Variants in DDX4 observed in about 807,000 individuals in gnomAD.
DDX4 encodes the protein DEAD-box helicase 4.
In DDX4, 25 loss-of-function variants were observed where a neutral mutation model predicts 100.0. That is an observed-to-expected ratio of 0.25 (90% confidence interval 0.18 to 0.35). The LOEUF (loss-of-function observed/expected upper bound fraction) is 0.35, where lower values mean the gene tolerates loss of function less well. Among genes scored for constraint, DDX4 ranks in the 10% least tolerant of loss-of-function variants. DDX4 has a pLI of 1.00. For missense variants in DDX4, 635 were observed against 882.4 expected (o/e 0.72, Z 3.55); for synonymous variants, 259 against 275.7 (o/e 0.94, Z 0.60).
At chr5:55,760,615 A>T (rs1051358943) in intron 4 of DDX4, among the ~76,000 whole-genome samples, 2 of 152,134 alleles carry the variant, frequency 1.3e-5, no homozygotes, top group Admixed American at 1.3e-4. Context: ...AGCTTCAGGG[A>T]TTAGAGGTGA....
chr5:55,791,972 A>AG (rs1561506784), intron 16 of DDX4, among the ~76,000 whole-genome samples: 15 of 152,030 alleles, frequency 9.9e-5, no homozygotes, highest in African/African-American at 3.6e-4. Context: ...ACACACACAA[A>AG]AATTAGCCAG....
chr5:55,815,308 T>A lies in DDX4; in HGVS notation c.1987-5T>A, dbSNP rs376654637. 42 of 1,604,858 alleles carry A rather than the reference T, an allele frequency of 2.6e-5. No individual in the cohort carries two copies. The African/African-American group carries it at 4.4e-4, about 17-fold the overall frequency. On this transcript the variant is annotated splice_region_variant and splice_polypyrimidine_tract_variant and intron_variant, in intron 20 of 21. Transcript: ENST00000505374. ...TGTTGCATATGAAGTCAATTTTTTT[T>A]AAAGGCTCAACAGGATGTTCCTGCA... is the stretch of plus-strand genomic sequence containing the variant.
Position 55,787,855 on chromosome 5 carries a change from C to A in DDX4, c.1027C>A (p.Leu343Ile), listed in dbSNP as rs760969575. ...GCAACTTAACTTCTAGGCGGCTTTTCTCCTACCAATTTTGGCTCATATGAT... is the reference window on the plus strand; with the variant it reads ...GCAACTTAACTTCTAGGCGGCTTTTATCCTACCAATTTTGGCTCATATGAT... ...QTGSGKTAAFLLPILAHMMHD... is the reference protein window; with the variant it reads ...QTGSGKTAAFILPILAHMMHD... The change falls in exon 15 of 22, where the codon CTC becomes ATC. Residue 343 changes from leucine (L) to isoleucine (I), a missense_variant. Transcript: ENST00000505374. The A allele has an allele frequency of 5.6e-6, 9 of 1,611,524 alleles. No homozygotes were observed. In the Admixed American group the frequency reaches 1.5e-4, roughly 27 times the overall value.
At chr5:55,740,668 G>A (rs779211708) in intron 2 of DDX4, among the ~76,000 whole-genome samples, 5 of 107,296 alleles carry the variant, frequency 4.7e-5, no homozygotes, top group Admixed American at 2.3e-4. Context: ...ACCACGCCCC[G>A]CTAATTTTTT....
chr5:55,758,868 TA>T (rs35392036), intron 3 of DDX4, among the ~76,000 whole-genome samples: 19,730 of 64,588 alleles, frequency 0.31, 3,476 homozygotes, highest in Non-Finnish European at 0.39. Context: ...TTTGTTTCCT[TA>T]AAAAAAAAAA....
intron 6 of DDX4, 39 bp downstream of exon 6, chr5:55,764,103 A>G (rs1425474636): frequency 7.1e-7 from 1 of 1,404,880 alleles, no homozygotes; most frequent in African/African-American, 1.4e-5. Context: ...TTTAATGTCA[A>G]GAGTACATGC....
At chr5:55,777,119 T>A (rs1002698197) in intron 7 of DDX4, among the ~76,000 whole-genome samples, 3 of 152,228 alleles carry the variant, frequency 2.0e-5, no homozygotes, top group South Asian at 4.1e-4. Flanking sequence ...GAAAATAGTT[T>A]ATTTCCTAAA....
chr5:55,771,825 C>T (rs1349935038), intron 7 of DDX4, among the ~76,000 whole-genome samples: 1 of 152,152 alleles, frequency 6.6e-6, no homozygotes, highest in East Asian at 1.9e-4. Flanking sequence ...GCCATTTGGA[C>T]ATCTGGACAT....
chr5:55,812,808 G>A (rs1744192081), intron 18 of DDX4, among the ~76,000 whole-genome samples: 1 of 151,486 alleles, frequency 6.6e-6, no homozygotes, highest in South Asian at 2.1e-4. Context: ...TTCCTTTTTA[G>A]TACTAAATGC....
At chr5:55,746,805 A>T (rs377573768) in intron 3 of DDX4, among the ~76,000 whole-genome samples, 7 of 152,012 alleles carry the variant, frequency 4.6e-5, no homozygotes, top group African/African-American at 1.7e-4. Context: ...GGGTTGTCCA[A>T]CTCTATTTTA....
chr5:55,784,374 G>T (rs1042665447), intron 10 of DDX4, among the ~76,000 whole-genome samples: 1 of 152,132 alleles, frequency 6.6e-6, no homozygotes, highest in African/African-American at 2.4e-5. Flanking sequence ...GATGGTGCCT[G>T]CCCAGATTGG....
At chr5:55,795,316 T>A (rs1312728401) in intron 17 of DDX4, among the ~76,000 whole-genome samples, 2 of 152,218 alleles carry the variant, frequency 1.3e-5, no homozygotes, top group Non-Finnish European at 2.9e-5. Flanking sequence ...GATGAATGAC[T>A]AGTAACTCAC....
rs1474671645 is a variant in DDX4 at position 55,738,905 on chromosome 5, G to C, written c.-14-45G>C. 3 of 1,020,410 alleles carry C rather than the reference G, an allele frequency of 2.9e-6. No individual in the cohort carries two copies. In the East Asian group the frequency reaches 7.1e-5, roughly 24 times the overall value. The allele number at this position is 1,020,410 out of a possible 1,614,324, so 63.2% of individuals were successfully genotyped here. ...TTTATGCTTTTAAAGTTATGATTCT[G>C]ATCTAATTGAGTCCAAATGTGCATT... On this transcript the variant is annotated intron_variant, in intron 1 of 21. Transcript: ENST00000505374.
In DDX4 at chr5:55,798,410, T is replaced by C. The variant is rs568643353; in HGVS notation, c.1470-16T>C. ...GAGAGGAGGATAAGTTAAAGAATAA[T>C]CTTTTGTTTTTCAAGGTTGGCTGCA... On this transcript the variant is annotated splice_polypyrimidine_tract_variant and intron_variant, in intron 17 of 21. Coordinates refer to ENST00000505374, the MANE Select transcript of DDX4 (RefSeq NM_024415.3). The C allele has an allele frequency of 1.9e-6, 3 of 1,607,952 alleles. No individual in the cohort carries two copies. Among genetic ancestry groups the C allele is most frequent in the South Asian group, 1.1e-5 (1 of 89,540 alleles).
At position 55,814,932 on chromosome 5, in the gene DDX4, C is replaced by G; in HGVS notation, c.1747C>G (p.Leu583Val). 6.2e-7 allele frequency: 1 copy of G among 1,614,160 alleles called. No homozygotes were observed. The highest frequency in any genetic ancestry group is 1.1e-5 in the South Asian group (1 of 91,082). ...DREQREREQA[L>V]GDFRFGKCPV... Reference sequence around the variant, plus strand: ...GGAACAGAGAGAGCGGGAGCAAGCTCTTGGAGATTTTCGCTTTGGAAAGTG... The same window carrying G: ...GGAACAGAGAGAGCGGGAGCAAGCTGTTGGAGATTTTCGCTTTGGAAAGTG... Residue 583 changes from leucine to valine, a missense_variant, in exon 20 of 22, where the codon CTT (leucine) becomes GTT (valine). Leu to Val is a conservative substitution (Grantham distance 32). Transcript: ENST00000505374.
At chr5:55,746,901 T>G (rs1192953315) in intron 3 of DDX4, among the ~76,000 whole-genome samples, 1 of 152,208 alleles carries the variant, frequency 6.6e-6, no homozygotes, top group African/African-American at 2.4e-5. Flanking sequence ...TTCACATTGT[T>G]GAAGTCCAAA....
chr5:55,762,360 G>T (rs1740617686), intron 4 of DDX4, among the ~76,000 whole-genome samples: 1 of 152,096 alleles, frequency 6.6e-6, no homozygotes, highest in East Asian at 1.9e-4. Context: ...AGAAACACAT[G>T]GAAAGAAATA....
intron 18 of DDX4, among the ~76,000 whole-genome samples, chr5:55,801,215 GTTTTTT>G (rs760157665): frequency 9.7e-6 from 1 of 103,504 alleles, no homozygotes; most frequent in Non-Finnish European, 2.2e-5. Context: ...ATGATGGGGT[GTTTTTT>G]TTTTTTTTTT....
At chr5:55,764,762 A>C (rs1304591805) in intron 6 of DDX4, among the ~76,000 whole-genome samples, 1 of 152,164 alleles carries the variant, frequency 6.6e-6, no homozygotes, top group Non-Finnish European at 1.5e-5. Context: ...CAAGTTGCTT[A>C]ATTTTTCTAA....
Sources: allele counts gnomAD v4.1 joint callset (sites outside exome capture counted in the v4.1 genomes callset), GRCh38; gene constraint gnomAD v4.1.1; transcripts MANE v1.5; gene names NCBI Gene and HGNC (gene_info 2026-07-23, HGNC 2026-07-21).